The following ATP1B2 variants were observed in gnomAD, a reference collection of about 807,000 sequenced individuals.
ATP1B2 encodes the protein ATPase Na+/K+ transporting subunit beta 2.
A neutral mutation model predicts 37.3 loss-of-function variants in ATP1B2; 12 were observed. The ratio of observed to expected loss-of-function variants is 0.32; its 90% CI spans 0.21 to 0.52. The LOEUF is 0.52. ATP1B2 is among the 20% of genes least tolerant of loss of function. The pLI is 0.96. For synonymous variants in ATP1B2, 139 were observed against 140.5 expected, an observed-to-expected ratio of 0.99 and a Z score of 0.07; for missense variants, 324 against 391.6, an observed-to-expected ratio of 0.83 and a Z score of 1.46.
chr17:7,651,411 C>T lies in ATP1B2; in HGVS notation c.-108C>T. On this transcript the variant is annotated 5_prime_UTR_variant, in exon 1 of 7. Transcript: ENST00000250111. The stretch of plus-strand genomic sequence containing the variant: ...CTGAGGGGGGTCTCCTTTGCCCGCG[C>T]CGCCTTCGCTCCCCGTGCTTTTGGG... 3 of 1,009,102 alleles carry T rather than the reference C, an allele frequency of 3.0e-6. No homozygotes were observed. Among genetic ancestry groups the T allele is most frequent in the Non-Finnish European group, 4.5e-6 (3 of 671,058 alleles). 62.5% of individuals were successfully genotyped at this position (1,009,102 alleles called of 1,614,324 possible). A position where few individuals can be genotyped will look rare whatever the true frequency, so the allele number is the denominator to read the frequency against.
intron 2 of ATP1B2, 62 bp downstream of exon 2, chr17:7,653,564 A>C (rs1190789885): frequency 1.3e-6 from 2 of 1,595,706 alleles, no homozygotes; most frequent in Admixed American, 3.5e-5. Context: ...AAACCTCCAG[A>C]AGGAACTCAT....
chr17:7,648,132 CAA>C (rs34613537), upstream of ATP1B2, among the ~76,000 whole-genome samples: 1,155 of 151,892 alleles, frequency 7.6e-3, 6 homozygotes, highest in Non-Finnish European at 0.012. Flanking sequence ...CCCAGCTACT[CAA>C]GAGGCTGAGA....
chr17:7,655,560 G>A lies in ATP1B2; in HGVS notation c.643G>A (p.Val215Ile), dbSNP rs779097579. 14 of 1,613,990 alleles carry A rather than the reference G, an allele frequency of 8.7e-6. No individual in the cohort carries two copies. Among genetic ancestry groups the A allele is most frequent in the Admixed American group, 8.3e-5 (5 of 59,984 alleles). ...AGATGCTGAGAATCTCGGCAACTTC[G>A]TCATGTTCCCCGCCAACGGCAACAT... is the stretch of plus-strand genomic sequence containing the variant. ...DEDAENLGNFVMFPANGNIDL... is the reference protein window; with the variant it reads ...DEDAENLGNFIMFPANGNIDL... The change falls in exon 6 of 7, where the codon GTC (valine) becomes ATC (isoleucine). Residue 215 changes from valine (V) to isoleucine (I), a missense_variant. Transcript: ENST00000250111. This position sits in a 1 kb window ranked among gnomAD's most constrained non-coding sequence, Gnocchi z 4.4.
chr17:7,650,837 C>T (rs935762865), upstream of ATP1B2, among the ~76,000 whole-genome samples: 6 of 141,300 alleles, frequency 4.2e-5, no homozygotes. Context: ...GGGCCAGTGG[C>T]GAGGAGGCGG....
chr17:7,653,739 A>G (rs1370066940), intron 2 of ATP1B2, 102 bp from the exon 3 acceptor site: 1 of 1,321,506 alleles, frequency 7.6e-7, no homozygotes, highest in Non-Finnish European at 1.1e-6. Context: ...TCAGATATTC[A>G]CCGCTGTCCC....
chr17:7,653,264 C>T, intron 1 of ATP1B2, 110 bp from the exon 2 acceptor site: 1 of 1,500,474 alleles, frequency 6.7e-7, no homozygotes, highest in Non-Finnish European at 9.1e-7. Context: ...CCCTGTGGCT[C>T]TGTGATCAGT....
chr17:7,655,930 A>T lies in ATP1B2; in HGVS notation c.*35A>T, dbSNP rs768393156. On this transcript the variant is annotated 3_prime_UTR_variant, in exon 7 of 7. Transcript: ENST00000250111. The surrounding 1 kb of genome is among the most constrained non-coding windows in gnomAD (Gnocchi z 4.4). ...CTCCCACCCCATCTCTCTCCTGTGG[A>T]TGCTCCTGGAATGTCCCTGACCCTG... 6.2e-7 allele frequency: 1 copy of T among 1,611,218 alleles called. No individual in the cohort carries two copies.
At chr17:7,652,351 G>A (rs1376039082) in intron 1 of ATP1B2, among the ~76,000 whole-genome samples, 1 of 152,082 alleles carries the variant, frequency 6.6e-6, no homozygotes, top group East Asian at 1.9e-4. Flanking sequence ...GGGGTTGGGG[G>A]GGTGGAGGGG....
In ATP1B2 at chr17:7,655,697, C is replaced by G; in HGVS notation, c.709-34C>G. 2 of 1,613,698 alleles carry G rather than the reference C, an allele frequency of 1.2e-6. No homozygotes were observed. The highest frequency in any genetic ancestry group is 1.7e-6 in the Non-Finnish European group (2 of 1,179,698). ...GCTAGGGAAGGAGGCCGCGTTGCCCCAGGCCTAGACCCTGCACTGCTCCTC... is the reference window on the plus strand; with the variant it reads ...GCTAGGGAAGGAGGCCGCGTTGCCCGAGGCCTAGACCCTGCACTGCTCCTC... On this transcript the variant is annotated intron_variant, in intron 6 of 6. Coordinates refer to ENST00000250111, the MANE Select transcript of ATP1B2 (RefSeq NM_001678.5). The surrounding 1 kb of genome is among the most constrained non-coding windows in gnomAD (Gnocchi z 4.4).
chr17:7,649,130 G>A (rs551066871), upstream of ATP1B2, among the ~76,000 whole-genome samples: 18 of 152,156 alleles, frequency 1.2e-4, no homozygotes, highest in Non-Finnish European at 1.9e-4. Flanking sequence ...TCGGCTCACT[G>A]CAACCTCCAC....
chr17:7,655,601 C>A lies in ATP1B2; in HGVS notation c.684C>A (p.Phe228Leu). The change falls in exon 6 of 7, where the codon TTC becomes TTA. Residue 228 changes from phenylalanine (F) to leucine (L), a missense_variant. Transcript: ENST00000250111. This position sits in a 1 kb window ranked among gnomAD's most constrained non-coding sequence, Gnocchi z 4.4. ...ACGGCAACATCGACCTCATGTACTT[C>A]CCCTACTATGGCAAAAAGTTCCACG... Reference protein sequence around the residue: ...PANGNIDLMYFPYYGKKFHVN... With the variant: ...PANGNIDLMYLPYYGKKFHVN... 6.2e-7 allele frequency: 1 copy of A among 1,614,198 alleles called. No individual in the cohort carries two copies. Among genetic ancestry groups the A allele is most frequent in the Non-Finnish European group, 8.5e-7 (1 of 1,180,044 alleles).
In ATP1B2 at chr17:7,651,445, G is replaced by A. The variant is rs1479970007; in HGVS notation, c.-74G>A. On this transcript the variant is annotated 5_prime_UTR_variant, in exon 1 of 7. Transcript: ENST00000250111. ...CTCCCCGTGCTTTTGGGTGTGTGGA[G>A]GGCTTCAGCGCGCGGCGCCCCCGCT... 2 of 1,352,040 alleles carry A rather than the reference G, an allele frequency of 1.5e-6. No individual in the cohort carries two copies. Among genetic ancestry groups the A allele is most frequent in the Admixed American group, 2.0e-5 (1 of 50,402 alleles). The allele number at this position is 1,352,040 out of a possible 1,614,324, so 83.8% of individuals were successfully genotyped here.
rs1185019361 is a variant in ATP1B2, at chr17:7,651,318, C to G, written c.-201C>G. On this transcript the variant is annotated 5_prime_UTR_variant, in exon 1 of 7. In the 5' UTR this introduces an upstream ATG that the reference lacks. Coordinates refer to ENST00000250111, the MANE Select transcript of ATP1B2 (RefSeq NM_001678.5). Reference sequence around the variant, plus strand: ...GTTGGGGGGCCTAGGATCGGTGCATCTTCCGCCGCGCTGCCAGCACCCCGC... The same window carrying G: ...GTTGGGGGGCCTAGGATCGGTGCATGTTCCGCCGCGCTGCCAGCACCCCGC... The G allele has an allele frequency of 3.4e-6, 2 of 584,478 alleles. No individual in the cohort carries two copies. Among genetic ancestry groups the G allele is most frequent in the Admixed American group, 2.9e-5 (1 of 34,524 alleles). The allele number at this position is 584,478 out of a possible 1,614,324, so 36.2% of individuals were successfully genotyped here.
upstream of ATP1B2, among the ~76,000 whole-genome samples, chr17:7,650,207 A>T (rs1334298511): frequency 6.6e-6 from 1 of 152,028 alleles, no homozygotes; most frequent in Non-Finnish European, 1.5e-5. Flanking sequence ...GGAGGCAGAG[A>T]ACCGAAGTAG....
upstream of ATP1B2, among the ~76,000 whole-genome samples, chr17:7,648,022 A>AAG (rs2072585626): frequency 6.6e-6 from 1 of 152,008 alleles, no homozygotes; most frequent in Non-Finnish European, 1.5e-5. Context: ...CCTTGAGTCC[A>AAG]GGAGTCCAGG....
At position 7,653,385 on chromosome 17, in the gene ATP1B2, C is replaced by T. The variant is rs937145780; in HGVS notation, c.124C>T (p.Leu42Phe). 2 of 1,614,028 alleles carry T rather than the reference C, an allele frequency of 1.2e-6. No homozygotes were observed. The highest frequency in any genetic ancestry group is 2.2e-5 in the South Asian group (2 of 91,082). Reference sequence around the variant, plus strand: ...TTCCTCCTCCCTAGCCTTTATCCTCCTCTTCTACCTCGTTTTTTATGGGTT... The same window carrying T: ...TTCCTCCTCCCTAGCCTTTATCCTCTTCTTCTACCTCGTTTTTTATGGGTT... Reference protein sequence around the residue: ...RTGTSWAFILLFYLVFYGFLT... With the variant: ...RTGTSWAFILFFYLVFYGFLT... The change falls in exon 2 of 7, where the codon CTC (leucine) becomes TTC (phenylalanine). Residue 42 changes from leucine to phenylalanine, a missense_variant. Transcript: ENST00000250111.
chr17:7,656,347 T>G lies in ATP1B2; in HGVS notation c.*452T>G. The G allele has an allele frequency of 5.6e-6, 1 of 179,578 alleles. No homozygotes were observed. Among genetic ancestry groups the G allele is most frequent in the Non-Finnish European group, 1.2e-5 (1 of 85,336 alleles). 11.1% of individuals were successfully genotyped at this position (179,578 alleles called of 1,614,324 possible). A position where few individuals can be genotyped will look rare whatever the true frequency, so the allele number is the denominator to read the frequency against. Reference sequence around the variant, plus strand: ...ATGAATGTGGCACTCCCTCCTTCCATTCCTAAGCTCTGGCCACCGTCCCTT... The same window carrying G: ...ATGAATGTGGCACTCCCTCCTTCCAGTCCTAAGCTCTGGCCACCGTCCCTT... On this transcript the variant is annotated 3_prime_UTR_variant, in exon 7 of 7. Transcript: ENST00000250111.
Position 7,655,117 on chromosome 17 carries a change from G to A in ATP1B2, c.610-410G>A. 6.4e-6 allele frequency: 2 copies of A among 314,060 alleles called. No homozygotes were observed. Among genetic ancestry groups the A allele is most frequent in the Non-Finnish European group, 1.2e-5 (2 of 168,334 alleles). 19.5% of individuals were successfully genotyped at this position (314,060 alleles called of 1,614,324 possible). A position where few individuals can be genotyped will look rare whatever the true frequency, so the allele number is the denominator to read the frequency against. ...ACCAGTTCGTTGTCCTTGGGACCCT[G>A]TTCCCCGCTTCCCCCCCGGTCTGTC... On this transcript the variant is annotated intron_variant, in intron 5 of 6. Transcript: ENST00000250111. This position sits in a 1 kb window ranked among gnomAD's most constrained non-coding sequence, Gnocchi z 4.4.
chr17:7,648,144 A>G (rs1341428414), upstream of ATP1B2, among the ~76,000 whole-genome samples: 1 of 150,672 alleles, frequency 6.6e-6, no homozygotes, highest in Non-Finnish European at 1.5e-5. Context: ...AGAGGCTGAG[A>G]CAGAAGAATT....
Sources: allele counts gnomAD v4.1 joint callset (sites outside exome capture counted in the v4.1 genomes callset), GRCh38; gene constraint gnomAD v4.1.1; non-coding constraint Gnocchi (gnomAD v3.1); transcripts MANE v1.5; gene names NCBI Gene and HGNC (gene_info 2026-07-23, HGNC 2026-07-21).